The following CD8B2 variants were observed in gnomAD, a reference collection of about 807,000 sequenced individuals.
The protein encoded by CD8B2 is T-cell surface glycoprotein CD8 beta-2 chain.
CD8B2 carries 11 observed loss-of-function variants against 23.7 expected under a neutral mutation model. That is an observed-to-expected ratio of 0.46 (90% CI 0.29 to 0.77). The LOEUF (loss-of-function observed/expected upper bound fraction) is 0.77, where lower values mean the gene tolerates loss of function less well. Ranked by LOEUF, CD8B2 falls within the 30% of genes least tolerant of loss-of-function variation. The pLI is 0.09. For missense variants in CD8B2, 197 were observed against 270.5 expected (o/e 0.73, Z 1.91); for synonymous variants, 90 against 109.3 (o/e 0.82, Z 1.10).
chr2:106,539,354 A>ATG (rs1457429685), intron 5 of CD8B2, among the ~76,000 whole-genome samples: 1 of 152,196 alleles, frequency 6.6e-6, no homozygotes, highest in African/African-American at 2.4e-5. Flanking sequence ...AAATATATAT[A>ATG]TTGGTCCCAA....
At chr2:106,537,860 T>A (rs1354244250) in intron 5 of CD8B2, 1 of 152,186 alleles carries the variant, frequency 6.6e-6, no homozygotes, top group Non-Finnish European at 1.5e-5. Context: ...GAATCAGCCG[T>A]GGGACAGCCG....
intron 5 of CD8B2, among the ~76,000 whole-genome samples, chr2:106,542,395 G>T (rs547818816): frequency 6.6e-6 from 1 of 152,182 alleles, no homozygotes; most frequent in South Asian, 2.1e-4. Flanking sequence ...AATAGAGATT[G>T]TTACTTAGAG....
chr2:106,488,829 C>T (rs1463224774), intron 1 of CD8B2, among the ~76,000 whole-genome samples: 1 of 152,080 alleles, frequency 6.6e-6, no homozygotes, highest in Non-Finnish European at 1.5e-5. Flanking sequence ...GCTCAATAAA[C>T]TGGCATTATT....
At chr2:106,532,280 A>G (rs541836900) in intron 5 of CD8B2, among the ~76,000 whole-genome samples, 1 of 152,260 alleles carries the variant, frequency 6.6e-6, no homozygotes, top group East Asian at 1.9e-4. Context: ...CTGGTTCCTG[A>G]TTTTTTGGAA....
chr2:106,491,771 A>G (rs1208862956), intron 2 of CD8B2, among the ~76,000 whole-genome samples: 1 of 151,734 alleles, frequency 6.6e-6, no homozygotes, highest in African/African-American at 2.4e-5. Context: ...TGGGTCTCGA[A>G]CTCCTGACCT....
At chr2:106,515,718 A>G (rs1436716793), downstream of CD8B2, among the ~76,000 whole-genome samples, 2 of 151,996 alleles carry the variant, frequency 1.3e-5, no homozygotes, top group African/African-American at 4.8e-5. Flanking sequence ...ATCTTTCTAC[A>G]CCCCCATGTC....
At chr2:106,512,054 G>A (rs1290676430), downstream of CD8B2, among the ~76,000 whole-genome samples, 1 of 152,176 alleles carries the variant, frequency 6.6e-6, no homozygotes, top group African/African-American at 2.4e-5. Flanking sequence ...AATTTGAAAG[G>A]AAACCATGTC....
chr2:106,515,483 T>C (rs866605950), downstream of CD8B2, among the ~76,000 whole-genome samples: 5 of 152,182 alleles, frequency 3.3e-5, no homozygotes, highest in South Asian at 8.3e-4. Context: ...TTAGTGCCCT[T>C]AGAGGAAGAG....
intron 5 of CD8B2, among the ~76,000 whole-genome samples, chr2:106,540,626 G>T (rs1287807299): frequency 1.3e-5 from 2 of 151,698 alleles, no homozygotes; most frequent in African/African-American, 4.8e-5. Flanking sequence ...GTGCAGTGAC[G>T]CAATCTCAGC....
At chr2:106,498,152 C>CTT (rs59508147) in intron 3 of CD8B2, among the ~76,000 whole-genome samples, 26 of 145,522 alleles carry the variant, frequency 1.8e-4, no homozygotes, top group Non-Finnish European at 2.4e-4. Flanking sequence ...TTCTTTCTTT[C>CTT]TTTTTTTTTT....
chr2:106,502,830 C>G (rs1679438063), intron 4 of CD8B2, among the ~76,000 whole-genome samples: 1 of 151,856 alleles, frequency 6.6e-6, no homozygotes, highest in South Asian at 2.1e-4. Flanking sequence ...TGAGCCTCGG[C>G]TGCCTCAGAT....
chr2:106,488,546 G>A (rs1162110011), intron 1 of CD8B2, among the ~76,000 whole-genome samples: 9 of 152,144 alleles, frequency 5.9e-5, no homozygotes, highest in African/African-American at 9.7e-5. Flanking sequence ...GAAGGGCTTC[G>A]GGCACCTGTG....
chr2:106,500,758 A>G (rs998896244), intron 3 of CD8B2, among the ~76,000 whole-genome samples: 1 of 152,054 alleles, frequency 6.6e-6, no homozygotes, highest in Non-Finnish European at 1.5e-5. Context: ...CAGCTACTCA[A>G]GGGACCAGCC....
chr2:106,488,868 G>C (rs1464414480), intron 1 of CD8B2, among the ~76,000 whole-genome samples: 4 of 152,156 alleles, frequency 2.6e-5, no homozygotes, highest in Non-Finnish European at 5.9e-5. Flanking sequence ...CAAGAAGTGA[G>C]TGACCCAAAG....
chr2:106,532,197 T>C (rs576886539), intron 5 of CD8B2, among the ~76,000 whole-genome samples: 1 of 152,230 alleles, frequency 6.6e-6, no homozygotes, highest in African/African-American at 2.4e-5. Flanking sequence ...TTTGAATCTT[T>C]AGTAGAATCC....
At chr2:106,498,139 C>T (rs1194561271) in intron 3 of CD8B2, among the ~76,000 whole-genome samples, 1 of 149,370 alleles carries the variant, frequency 6.7e-6, no homozygotes, top group Non-Finnish European at 1.5e-5. Flanking sequence ...TGCATAATTT[C>T]TTTTCTTTCT....
downstream of CD8B2, among the ~76,000 whole-genome samples, chr2:106,511,912 T>C (rs1230913953): frequency 6.6e-6 from 1 of 152,248 alleles, no homozygotes; most frequent in Non-Finnish European, 1.5e-5. Flanking sequence ...CCTGTAAAGC[T>C]GAAAGCAGAG....
At chr2:106,533,224 C>T (rs1195100664) in intron 5 of CD8B2, among the ~76,000 whole-genome samples, 1 of 152,192 alleles carries the variant, frequency 6.6e-6, no homozygotes, top group South Asian at 2.1e-4. Flanking sequence ...CTTCTGATTG[C>T]AGATGGATAG....
At chr2:106,522,053 G>C (rs1679835648) in intron 5 of CD8B2, 2 of 152,086 alleles carry the variant, frequency 1.3e-5, no homozygotes, top group African/African-American at 4.8e-5. Context: ...CCACATTCAG[G>C]GAAGATCTTT....
Sources: allele counts gnomAD v4.1 joint callset (sites outside exome capture counted in the v4.1 genomes callset), GRCh38; gene constraint gnomAD v4.1.1; transcripts MANE v1.5; gene names NCBI Gene and HGNC (gene_info 2026-07-23, HGNC 2026-07-21).